The following PSMA3 variants were observed in gnomAD, a reference collection of about 807,000 sequenced individuals.
PSMA3 encodes the protein proteasome 20S subunit alpha 3.
In PSMA3, 8 loss-of-function variants were observed where a neutral mutation model predicts 40.0. The ratio of observed to expected loss-of-function variants is 0.20; its 90% CI spans 0.12 to 0.36. The LOEUF is 0.36. Ranked by LOEUF, PSMA3 falls within the 10% of genes least tolerant of loss-of-function variation. The pLI is 1.00. For missense variants in PSMA3, 219 were observed against 310.6 expected, an observed-to-expected ratio of 0.70 and a Z score of 2.22; for synonymous variants, 110 against 100.0, an observed-to-expected ratio of 1.10 and a Z score of -0.59.
Position 58,247,764 on chromosome 14 carries a change from C to G in PSMA3, c.36C>G (p.Ala12=), listed in dbSNP as rs777802571. Residue 12 remains alanine (A), a synonymous_variant, in exon 2 of 11, where the codon GCC becomes GCG. Coordinates refer to ENST00000216455, the MANE Select transcript of PSMA3 (RefSeq NM_002788.4). Reference sequence around the variant, plus strand: ...TTCTCCTTAAGTATGACCTGTCAGCCTCTACATTCTCTCCTGACGGAAGAG... The same window carrying G: ...TTCTCCTTAAGTATGACCTGTCAGCGTCTACATTCTCTCCTGACGGAAGAG... ...SSIGTGYDLS[A]STFSPDGRVF... The G allele has an allele frequency of 1.6e-5, 25 of 1,604,656 alleles. No homozygotes were observed. The East Asian group carries it at 2.9e-4, about 19-fold the overall frequency.
At position 58,244,897 on chromosome 14, in the gene PSMA3, A is replaced by G. The variant is rs1221330350; in HGVS notation, c.-24A>G. 1.2e-6 allele frequency: 2 copies of G among 1,614,024 alleles called. No homozygotes were observed. The highest frequency in any genetic ancestry group is 1.3e-5 in the African/African-American group (1 of 75,024). On this transcript the variant is annotated 5_prime_UTR_variant, in exon 1 of 11. Transcript: ENST00000216455. Reference sequence around the variant, plus strand: ...GAAGCGCTCCGGGCCTGGAATCCCTACGCGTCCCTTTGGGTTTAGCACGAT... The same window carrying G: ...GAAGCGCTCCGGGCCTGGAATCCCTGCGCGTCCCTTTGGGTTTAGCACGAT...
At chr14:58,266,350 G>A (rs1397259567) in intron 7 of PSMA3, 15 of 152,150 alleles carry the variant, frequency 9.9e-5, no homozygotes, top group African/African-American at 3.4e-4. Context: ...ACTGCTGTAT[G>A]AGCACCCATT....
At chr14:58,270,293 G>A in intron 8 of PSMA3, 125 bp from the exon 9 acceptor site, 9 of 1,333,546 alleles carry the variant, frequency 6.7e-6, no homozygotes, top group Non-Finnish European at 9.2e-6. Context: ...TGTAGAATGT[G>A]TCTGTGTAAT....
At chr14:58,271,396 C>CT (rs1890619838) in intron 10 of PSMA3, among the ~76,000 whole-genome samples, 1 of 134,176 alleles carries the variant, frequency 7.5e-6, no homozygotes, top group Non-Finnish European at 1.5e-5. Context: ...GTGGCACCAT[C>CT]TCTGCTCACT....
intron 3 of PSMA3, among the ~76,000 whole-genome samples, chr14:58,257,077 A>G (rs966185427): frequency 2.8e-5 from 4 of 143,786 alleles, no homozygotes; most frequent in African/African-American, 7.8e-5. Context: ...GCTCCAGCCT[A>G]GGTGACACAG....
At chr14:58,247,043 G>A (rs998371420) in intron 1 of PSMA3, among the ~76,000 whole-genome samples, 2 of 152,144 alleles carry the variant, frequency 1.3e-5, no homozygotes, top group African/African-American at 4.8e-5. Flanking sequence ...CCTTATTTCT[G>A]TTTCTTGACT....
intron 1 of PSMA3, 64 bp downstream of exon 1, chr14:58,245,005 C>T (rs1162548579): frequency 1.9e-6 from 3 of 1,609,826 alleles, no homozygotes; most frequent in African/African-American, 1.3e-5. Flanking sequence ...GGAACTCGGA[C>T]AGACCACATG....
chr14:58,252,073 T>A, intron 2 of PSMA3, 46 bp from the exon 3 acceptor site: 1 of 1,551,850 alleles, frequency 6.4e-7, no homozygotes, highest in Non-Finnish European at 8.7e-7. Flanking sequence ...TTATGAAGTT[T>A]CTTTTATTTT....
intron 6 of PSMA3, among the ~76,000 whole-genome samples, chr14:58,261,407 G>C (rs1890277372): frequency 6.6e-6 from 1 of 151,520 alleles, no homozygotes; most frequent in Middle Eastern, 3.5e-3. Flanking sequence ...TTGAATTCCA[G>C]TCCTCAAGAG....
At chr14:58,253,083 C>T (rs1890050554) in intron 3 of PSMA3, among the ~76,000 whole-genome samples, 2 of 151,036 alleles carry the variant, frequency 1.3e-5, no homozygotes, top group African/African-American at 4.9e-5. Flanking sequence ...CTCCTGGGTT[C>T]AAGCGATTCT....
At chr14:58,271,452 C>G (rs1324070221) in intron 10 of PSMA3, among the ~76,000 whole-genome samples, 1 of 151,204 alleles carries the variant, frequency 6.6e-6, no homozygotes, top group African/African-American at 2.4e-5. Flanking sequence ...GCCTCCGCCT[C>G]CCAAGTAGCT....
At chr14:58,267,936 CTATT>C (rs1890494893) in intron 8 of PSMA3, 1 of 152,806 alleles carries the variant, frequency 6.5e-6, no homozygotes, top group Non-Finnish European at 1.5e-5. Context: ...ATATAATCTG[CTATT>C]TATTTGGGAA....
chr14:58,248,770 C>T (rs1472774556), intron 2 of PSMA3, among the ~76,000 whole-genome samples: 1 of 150,906 alleles, frequency 6.6e-6, no homozygotes, highest in African/African-American at 2.4e-5. Context: ...GCCTGGCCAA[C>T]ATGGTAAAAC....
intron 8 of PSMA3, 31 bp downstream of exon 8, chr14:58,267,551 A>G (rs747432796): frequency 6.4e-7 from 1 of 1,557,810 alleles, no homozygotes; most frequent in Admixed American, 2.0e-5. Flanking sequence ...CCATCCACAA[A>G]AATATTTCAT....
chr14:58,249,053 C>T (rs1889942039), intron 2 of PSMA3, among the ~76,000 whole-genome samples: 1 of 152,106 alleles, frequency 6.6e-6, no homozygotes, highest in Admixed American at 6.5e-5. Context: ...GCAACCTCTG[C>T]CTCCCAGGTT....
Position 58,263,984 on chromosome 14 carries a change from G to A in PSMA3, c.543+214G>A, listed in dbSNP as rs993929548. 9.9e-5 allele frequency among the ~76,000 whole-genome samples: 15 copies of A among 152,134 alleles called. 1 individual carries two copies. Among genetic ancestry groups the A allele is most frequent in the Admixed American group, 8.5e-4 (13 of 15,270 alleles). On this transcript the variant is annotated intron_variant, in intron 7 of 10. Coordinates refer to ENST00000216455, the MANE Select transcript of PSMA3 (RefSeq NM_002788.4). The stretch of plus-strand genomic sequence containing the variant: ...TACGAATTTGTGTTTGGCCCCATGT[G>A]GCCTGTGGCTGGGGAAGCTCGGTGT...
At chr14:58,257,485 G>A (rs1431493791) in intron 3 of PSMA3, among the ~76,000 whole-genome samples, 1 of 151,110 alleles carries the variant, frequency 6.6e-6, no homozygotes, top group African/African-American at 2.4e-5. Flanking sequence ...GTGACAGAGC[G>A]AGACCCCGTA....
intron 3 of PSMA3, among the ~76,000 whole-genome samples, chr14:58,256,416 C>CTT (rs377353285): frequency 9.8e-4 from 134 of 136,636 alleles, no homozygotes; most frequent in African/African-American, 3.2e-3. Context: ...TGAGCATTTC[C>CTT]TTTTTTTTTT....
intron 1 of PSMA3, 93 bp from the exon 2 acceptor site, chr14:58,247,657 A>G: frequency 1.3e-6 from 1 of 785,964 alleles, no homozygotes; most frequent in Non-Finnish European, 2.1e-6. Flanking sequence ...GGGATATAAC[A>G]GGTTCCTGAT....
Sources: gnomAD v4.1 joint callset for allele counts (sites outside exome capture counted in the v4.1 genomes callset) on GRCh38, gnomAD v4.1.1 for gene constraint, MANE v1.5 for transcripts, NCBI Gene and HGNC (gene_info 2026-07-23, HGNC 2026-07-21) for gene names.